SRP9: variants seen among roughly 807,000 people sequenced by gnomAD.
SRP9 encodes signal recognition particle 9 kDa protein.
SRP9 carries 2 observed loss-of-function variants against 11.7 expected under a neutral mutation model. That is an observed-to-expected ratio of 0.17 (90% CI 0.07 to 0.54). The LOEUF is 0.54. Among genes scored for constraint, SRP9 ranks in the 20% least tolerant of loss-of-function variants. The pLI, the probability that SRP9 is intolerant of heterozygous loss-of-function variation, is 0.94. For synonymous variants in SRP9, 27 were observed against 35.6 expected (o/e 0.76, Z 0.86); for missense variants, 54 against 108.1 (o/e 0.50, Z 2.22).
intron 2 of SRP9, chr1:225,788,956 C>T (rs1335978169): frequency 1.7e-5 from 26 of 1,485,858 alleles, no homozygotes; most frequent in African/African-American, 2.8e-5. Context: ...GAGTTCTTCT[C>T]ATCAGACCAT....
chr1:225,782,412 C>T (rs1446550185), intron 1 of SRP9, among the ~76,000 whole-genome samples: 1 of 152,092 alleles, frequency 6.6e-6, no homozygotes, highest in Non-Finnish European at 1.5e-5. Flanking sequence ...GATCCACCCG[C>T]CTTGGCCTCC....
intron 2 of SRP9, among the ~76,000 whole-genome samples, chr1:225,785,537 C>T (rs1244528560): frequency 1.2e-4 from 18 of 152,170 alleles, no homozygotes; most frequent in Admixed American, 1.0e-3. Flanking sequence ...CCCGCCACCA[C>T]GCCTGGCTAA....
Position 225,789,529 on chromosome 1 carries a change from T to C in SRP9, c.*170T>C. The C allele has an allele frequency of 1.6e-6, 1 of 622,728 alleles. No homozygotes were observed. Among genetic ancestry groups the C allele is most frequent in the Non-Finnish European group, 2.5e-6 (1 of 397,192 alleles). The allele number at this position is 622,728 out of a possible 1,614,324, so 38.6% of individuals were successfully genotyped here. ...TACTTTAGAGAGCTAGGGATGCAAATGTTTTCAGTTAGAAAGCCTTTATTT... is the reference window on the plus strand; with the variant it reads ...TACTTTAGAGAGCTAGGGATGCAAACGTTTTCAGTTAGAAAGCCTTTATTT... On this transcript the variant is annotated 3_prime_UTR_variant, in exon 3 of 3. Transcript: ENST00000304786.
At chr1:225,786,667 C>T (rs1281985307) in intron 2 of SRP9, among the ~76,000 whole-genome samples, 2 of 152,150 alleles carry the variant, frequency 1.3e-5, no homozygotes, top group Admixed American at 6.5e-5. Flanking sequence ...TAGTCATTTA[C>T]TAGCATTTTG....
chr1:225,780,051 G>T (rs1334300661), intron 1 of SRP9, among the ~76,000 whole-genome samples: 1 of 152,186 alleles, frequency 6.6e-6, no homozygotes, highest in Admixed American at 6.5e-5. Flanking sequence ...GAAAATTGCA[G>T]TTGGCACAGG....
intron 1 of SRP9, among the ~76,000 whole-genome samples, chr1:225,782,398 T>C (rs570599310): frequency 2.0e-5 from 3 of 152,196 alleles, no homozygotes; most frequent in Non-Finnish European, 4.4e-5. Context: ...TCTCCTGACT[T>C]TATGATCCAC....
intron 1 of SRP9, among the ~76,000 whole-genome samples, chr1:225,781,516 C>T (rs945265201): frequency 6.6e-6 from 1 of 151,116 alleles, no homozygotes; most frequent in African/African-American, 2.4e-5. Flanking sequence ...TCTCCTGCCT[C>T]AGCCTCCCGA....
At chr1:225,786,291 T>C (rs1665909643) in intron 2 of SRP9, among the ~76,000 whole-genome samples, 1 of 152,232 alleles carries the variant, frequency 6.6e-6, no homozygotes, top group Non-Finnish European at 1.5e-5. Context: ...TTTTATCACA[T>C]TTGTCTTTTT....
chr1:225,789,402 T>C lies in SRP9; in HGVS notation c.*43T>C. On this transcript the variant is annotated 3_prime_UTR_variant, in exon 3 of 3. Transcript: ENST00000304786. ...CTTTGTCGTGTACTTAGGAAGTAAA[T>C]ATCTTTTGAATTAGAGAAAGTGTTG... The C allele has an allele frequency of 3.3e-6, 5 of 1,496,868 alleles. No individual in the cohort carries two copies. Among genetic ancestry groups the C allele is most frequent in the Non-Finnish European group, 4.5e-6 (5 of 1,109,176 alleles). The allele number at this position is 1,496,868 out of a possible 1,614,324, so 92.7% of individuals were successfully genotyped here.
Position 225,789,901 on chromosome 1 carries a change from A to T in SRP9, c.*542A>T, listed in dbSNP as rs949558756. 2 of 152,294 alleles carry T rather than the reference A, an allele frequency of 1.3e-5. No homozygotes were observed. Among genetic ancestry groups the T allele is most frequent in the African/African-American group, 4.8e-5 (2 of 41,436 alleles). The allele number at this position is 152,294 out of a possible 1,614,324, so 9.4% of individuals were successfully genotyped here. ...GTAGTCTCAATTATATCTGAAAGTA[A>T]TTGTGACTAACAAGTATGCTTTGCC... is the stretch of plus-strand genomic sequence containing the variant. On this transcript the variant is annotated 3_prime_UTR_variant, in exon 3 of 3. Coordinates refer to ENST00000304786, the MANE Select transcript of SRP9 (RefSeq NM_003133.6).
chr1:225,779,149 G>A (rs1234069171), intron 1 of SRP9, among the ~76,000 whole-genome samples: 4 of 146,668 alleles, frequency 2.7e-5, no homozygotes, highest in Non-Finnish European at 6.0e-5. Flanking sequence ...TTTTTCAATA[G>A]TTTTATTTTT....
chr1:225,778,066 C>T, intron 1 of SRP9, 54 bp downstream of exon 1: 1 of 1,594,656 alleles, frequency 6.3e-7, no homozygotes, highest in Non-Finnish European at 8.6e-7. Context: ...TGTCTTCCCG[C>T]CATCCACTCG....
chr1:225,786,377 T>A (rs967067280), intron 2 of SRP9, among the ~76,000 whole-genome samples: 1 of 152,248 alleles, frequency 6.6e-6, no homozygotes, highest in African/African-American at 2.4e-5. Flanking sequence ...CCTACTATGA[T>A]GTCTTGACCC....
chr1:225,788,472 A>C (rs1289588897), intron 2 of SRP9, among the ~76,000 whole-genome samples: 1 of 144,790 alleles, frequency 6.9e-6, no homozygotes, highest in Admixed American at 7.0e-5. Context: ...GCTGGAGTGC[A>C]GTGGCATGAT....
intron 1 of SRP9, among the ~76,000 whole-genome samples, chr1:225,780,170 C>T (rs1665764491): frequency 7.4e-6 from 1 of 134,902 alleles, no homozygotes; most frequent in Non-Finnish European, 1.6e-5. Flanking sequence ...TGCCACCATG[C>T]CTGCCTAATT....
chr1:225,785,141 G>C (rs1419183260), intron 2 of SRP9, among the ~76,000 whole-genome samples: 1 of 151,278 alleles, frequency 6.6e-6, no homozygotes, highest in South Asian at 2.1e-4. Flanking sequence ...GGCGATCTCT[G>C]CTCACTGCAG....
At chr1:225,783,435 A>T in intron 2 of SRP9, 67 bp downstream of exon 2, 1 of 1,329,234 alleles carries the variant, frequency 7.5e-7, no homozygotes, top group Non-Finnish European at 1.1e-6. Flanking sequence ...GTTTGAAATT[A>T]TTTACTTAGA....
intron 1 of SRP9, among the ~76,000 whole-genome samples, chr1:225,778,823 T>C (rs1208096604): frequency 6.6e-6 from 1 of 152,266 alleles, no homozygotes; most frequent in Non-Finnish European, 1.5e-5. Context: ...TTTTTAGAAC[T>C]CAGCATATTG....
chr1:225,785,160 T>G (rs1404067951), intron 2 of SRP9, among the ~76,000 whole-genome samples: 1 of 150,992 alleles, frequency 6.6e-6, no homozygotes, highest in Non-Finnish European at 1.5e-5. Flanking sequence ...AGCCTCCACC[T>G]CCTGGGTTCA....
Sources: gnomAD v4.1 joint callset for allele counts (sites outside exome capture counted in the v4.1 genomes callset) on GRCh38, gnomAD v4.1.1 for gene constraint, MANE v1.5 for transcripts, NCBI Gene and HGNC (gene_info 2026-07-23, HGNC 2026-07-21) for gene names.